PPP2R2B: variants seen among roughly 807,000 people sequenced by gnomAD.
PPP2R2B encodes serine/threonine-protein phosphatase 2A 55 kDa regulatory subunit B beta isoform.
Under a neutral mutation model 46.0 loss-of-function variants are expected in PPP2R2B, and 5 were observed. The ratio of observed to expected loss-of-function variants is 0.11; its 90% CI spans 0.06 to 0.23. The LOEUF (loss-of-function observed/expected upper bound fraction) is 0.23, where lower values mean the gene tolerates loss of function less well. Among genes scored for constraint, PPP2R2B ranks in the 10% least tolerant of loss-of-function variants. PPP2R2B has a pLI of 1.00. For missense variants in PPP2R2B, 367 were observed against 575.0 expected (o/e 0.64, Z 3.70); for synonymous variants, 215 against 206.7 (o/e 1.04, Z -0.34).
At chr5:146,789,501 T>C (rs575015075) in intron 2 of PPP2R2B, among the ~76,000 whole-genome samples, 2 of 152,232 alleles carry the variant, frequency 1.3e-5, no homozygotes, top group East Asian at 3.9e-4. Flanking sequence ...TAAAACCTTA[T>C]ACTTCAACAT....
intron 2 of PPP2R2B, among the ~76,000 whole-genome samples, chr5:146,843,259 T>C (rs1375246838): frequency 1.3e-5 from 2 of 152,236 alleles, no homozygotes; most frequent in Admixed American, 1.3e-4. Flanking sequence ...ATTACATCTT[T>C]TTTTCAGTAT....
chr5:146,728,297 T>C (rs371592472), intron 2 of PPP2R2B, among the ~76,000 whole-genome samples: 5 of 152,262 alleles, frequency 3.3e-5, no homozygotes, highest in Admixed American at 6.5e-5. Context: ...TCCATTCCAC[T>C]GTGTGACTCC....
chr5:146,660,825 A>T (rs1463860830), intron 5 of PPP2R2B, among the ~76,000 whole-genome samples: 1 of 152,220 alleles, frequency 6.6e-6, no homozygotes, highest in Non-Finnish European at 1.5e-5. Flanking sequence ...AACATTTATT[A>T]AGTGCCAATC....
chr5:146,699,649 C>A (rs73320028), intron 3 of PPP2R2B, among the ~76,000 whole-genome samples: 3 of 140,816 alleles, frequency 2.1e-5, no homozygotes, highest in African/African-American at 8.1e-5. Context: ...ATCATCACTG[C>A]GAACTTAATT....
At chr5:146,780,908 A>G (rs1005689940) in intron 2 of PPP2R2B, among the ~76,000 whole-genome samples, 2 of 151,926 alleles carry the variant, frequency 1.3e-5, no homozygotes, top group Non-Finnish European at 2.9e-5. Flanking sequence ...AAGGCATCAC[A>G]TGATAGAACT....
Position 146,915,850 on chromosome 5 carries a change from A to G in PPP2R2B, c.79+139815T>C, listed in dbSNP as rs75376175. Among the ~76,000 whole-genome samples, 866 of 152,278 alleles carry G rather than the reference A, an allele frequency of 5.7e-3. 29 individuals are homozygous for G. The East Asian group carries it at 0.067, about 12-fold the overall frequency. On this transcript the variant is annotated intron_variant, in intron 1 of 8. Coordinates refer to the PPP2R2B transcript ENST00000336640. ...TCATTAACCAAGACAAAAAAAATCA[A>G]TTTCAACACTGTTACAACATCTTTG...
chr5:146,915,681 C>G (rs1277315773), intron 1 of PPP2R2B, among the ~76,000 whole-genome samples: 2 of 152,116 alleles, frequency 1.3e-5, no homozygotes, highest in Non-Finnish European at 2.9e-5. Context: ...GATTCACTGG[C>G]CTTTGTTCCT....
intron 1 of PPP2R2B, among the ~76,000 whole-genome samples, chr5:146,893,789 G>A (rs1762560656): frequency 6.6e-6 from 1 of 151,476 alleles, no homozygotes; most frequent in South Asian, 2.1e-4. Context: ...TAGAAGACAG[G>A]TTGATAGGTG....
intron 4 of PPP2R2B, among the ~76,000 whole-genome samples, chr5:146,697,570 A>T (rs982824466): frequency 6.6e-6 from 1 of 152,214 alleles, no homozygotes; most frequent in African/African-American, 2.4e-5. Context: ...CATCTGCTTT[A>T]CAGACCCTAA....
chr5:146,951,869 T>C (rs1042372140), intron 1 of PPP2R2B, among the ~76,000 whole-genome samples: 1 of 152,080 alleles, frequency 6.6e-6, no homozygotes, highest in Non-Finnish European at 1.5e-5. Context: ...CCTTTGGGTA[T>C]ATACCCAGTA....
At chr5:146,795,665 C>A (rs1441596280) in intron 2 of PPP2R2B, among the ~76,000 whole-genome samples, 1 of 151,992 alleles carries the variant, frequency 6.6e-6, no homozygotes, top group East Asian at 1.9e-4. Context: ...ATGCATAAAA[C>A]AAAACAGAAA....
intron 2 of PPP2R2B, among the ~76,000 whole-genome samples, chr5:146,836,242 T>A (rs546214181): frequency 4.6e-5 from 7 of 152,280 alleles, no homozygotes; most frequent in Admixed American, 6.5e-5. Flanking sequence ...AAAAAAATTC[T>A]ACCTCACTCC....
At chr5:146,985,090 G>A (rs1319963682) in intron 1 of PPP2R2B, among the ~76,000 whole-genome samples, 6 of 143,000 alleles carry the variant, frequency 4.2e-5, no homozygotes, top group African/African-American at 1.6e-4. Context: ...GTGTGATCTC[G>A]GCTCACTGCA....
At chr5:147,075,664 G>A (rs190808141) in intron 2 of PPP2R2B, among the ~76,000 whole-genome samples, 4 of 152,078 alleles carry the variant, frequency 2.6e-5, no homozygotes, top group African/African-American at 7.2e-5. Context: ...TGTTAGTAAC[G>A]GTGTCCACCA....
chr5:146,904,782 G>T (rs1251603033), intron 1 of PPP2R2B, among the ~76,000 whole-genome samples: 3 of 152,282 alleles, frequency 2.0e-5, no homozygotes, highest in Non-Finnish European at 2.9e-5. Flanking sequence ...TGAGGGCACG[G>T]ACATGGTACT....
intron 1 of PPP2R2B, among the ~76,000 whole-genome samples, chr5:146,990,497 G>A (rs1753648167): frequency 6.6e-6 from 1 of 151,976 alleles, no homozygotes; most frequent in South Asian, 2.1e-4. Flanking sequence ...AAATGGTGGT[G>A]GAAAAACTAG....
At chr5:147,056,298 C>G (rs1182198670), upstream of PPP2R2B, among the ~76,000 whole-genome samples, 1 of 152,146 alleles carries the variant, frequency 6.6e-6, no homozygotes, top group African/African-American at 2.4e-5. Context: ...TGAAATGGGT[C>G]TCTGTCCTTG....
intron 2 of PPP2R2B, among the ~76,000 whole-genome samples, chr5:146,834,941 C>T (rs552309936): frequency 1.3e-5 from 2 of 152,270 alleles, no homozygotes; most frequent in East Asian, 3.9e-4. Context: ...CACATTGCCA[C>T]AAAGGACATG....
chr5:146,860,377 C>T (rs1410742384), intron 2 of PPP2R2B, among the ~76,000 whole-genome samples: 1 of 152,162 alleles, frequency 6.6e-6, no homozygotes, highest in South Asian at 2.1e-4. Flanking sequence ...ATATCAAAAA[C>T]AGAGGTCATG....
Sources: gnomAD v4.1 joint callset for allele counts (sites outside exome capture counted in the v4.1 genomes callset) on GRCh38, gnomAD v4.1.1 for gene constraint, MANE v1.5 for transcripts, NCBI Gene and HGNC (gene_info 2026-07-23, HGNC 2026-07-21) for gene names.